The following PKNOX2 variants were observed in gnomAD, a reference collection of about 807,000 sequenced individuals.
PKNOX2 encodes PBX/knotted 1 homeobox 2, also known as homeobox protein PKNOX2.
In PKNOX2, 14 loss-of-function variants were observed where a neutral mutation model predicts 53.1. That is an observed-to-expected ratio of 0.26 (90% CI 0.17 to 0.41). The LOEUF (loss-of-function observed/expected upper bound fraction) is 0.41, where lower values mean the gene tolerates loss of function less well. PKNOX2 is among the 10% of genes least tolerant of loss of function. The pLI is 1.00. For synonymous variants in PKNOX2, 257 were observed against 242.8 expected (o/e 1.06, Z -0.54); for missense variants, 496 against 602.8 (o/e 0.82, Z 1.85).
intron 2 of PKNOX2, chr11:125,258,486 T>C (rs1461989990): frequency 6.6e-6 from 1 of 152,632 alleles, no homozygotes; most frequent in Non-Finnish European, 1.5e-5. Context: ...CCACAGATAA[T>C]TGGGCTGGCA....
rs140384728 is a variant in PKNOX2, at chr11:125,292,147, A to G, written c.-129-39672A>G. Among the ~76,000 whole-genome samples, 429 of 152,278 alleles carry G rather than the reference A, an allele frequency of 2.8e-3. 1 individual carries two copies. The highest frequency in any genetic ancestry group is 4.7e-3 in the Non-Finnish European group (318 of 68,030). On this transcript the variant is annotated intron_variant, in intron 2 of 12. Transcript: ENST00000298282. ...CCTACCCATCATACTTCATCTAATA[A>G]ACCCTCTCCAGTCCGCCTCCCCAGC...
At chr11:125,371,619 G>A (rs1023892548) in intron 5 of PKNOX2, among the ~76,000 whole-genome samples, 1 of 152,108 alleles carries the variant, frequency 6.6e-6, no homozygotes, top group Non-Finnish European at 1.5e-5. Flanking sequence ...GAGCGGAAGA[G>A]GGGCAGGAGC....
At chr11:125,429,185 T>A (rs1382407890) in intron 11 of PKNOX2, 97 bp downstream of exon 11, 2 of 1,187,958 alleles carry the variant, frequency 1.7e-6, no homozygotes, top group African/African-American at 1.5e-5. Context: ...AATGCCAGGA[T>A]CTGCCTCAAT....
intron 1 of PKNOX2, among the ~76,000 whole-genome samples, chr11:125,180,591 G>T (rs1486359404): frequency 6.6e-6 from 1 of 152,222 alleles, no homozygotes; most frequent in Non-Finnish European, 1.5e-5. Context: ...AGGTCACAGA[G>T]CTCGGAGCCA....
chr11:125,319,756 G>A (rs962153940), intron 2 of PKNOX2, among the ~76,000 whole-genome samples: 3 of 152,256 alleles, frequency 2.0e-5, no homozygotes, highest in Non-Finnish European at 4.4e-5. Flanking sequence ...TGACTCTTGA[G>A]TTGAGATGTG....
At chr11:125,411,643 G>T in intron 9 of PKNOX2, 103 bp from the exon 10 acceptor site, 1 of 1,592,756 alleles carries the variant, frequency 6.3e-7, no homozygotes, top group Non-Finnish European at 8.6e-7. Flanking sequence ...GAATGAGCCG[G>T]GAAAGGGGCT....
intron 2 of PKNOX2, among the ~76,000 whole-genome samples, chr11:125,293,244 T>A (rs78018547): frequency 0.051 from 7,783 of 152,208 alleles, 668 homozygotes; most frequent in African/African-American, 0.17. Context: ...TCCATACTGC[T>A]TAAATCCTGT....
intron 2 of PKNOX2, among the ~76,000 whole-genome samples, chr11:125,314,433 A>C (rs554805480): frequency 1.3e-5 from 2 of 151,910 alleles, no homozygotes; most frequent in African/African-American, 4.8e-5. Flanking sequence ...GGTGGGGAAG[A>C]CTCAGAGCTC....
chr11:125,271,727 A>C (rs1313217080), intron 2 of PKNOX2, among the ~76,000 whole-genome samples: 1 of 152,088 alleles, frequency 6.6e-6, no homozygotes, highest in Non-Finnish European at 1.5e-5. Context: ...AAGAAAAAAA[A>C]AAAATCCCCC....
At chr11:125,303,222 A>G (rs1241277022) in intron 2 of PKNOX2, among the ~76,000 whole-genome samples, 1 of 152,138 alleles carries the variant, frequency 6.6e-6, no homozygotes, top group Admixed American at 6.5e-5. Flanking sequence ...TTGCTTTTCA[A>G]TTTTCATAGC....
chr11:125,364,489 G>A (rs968485131), intron 4 of PKNOX2, among the ~76,000 whole-genome samples: 2 of 152,084 alleles, frequency 1.3e-5, no homozygotes, highest in Non-Finnish European at 2.9e-5. Context: ...CCTAGGAGGG[G>A]GACTTCATCC....
chr11:125,317,611 T>C (rs1949281176), intron 2 of PKNOX2, among the ~76,000 whole-genome samples: 1 of 152,248 alleles, frequency 6.6e-6, no homozygotes, highest in Non-Finnish European at 1.5e-5. Flanking sequence ...GGAATCTTTG[T>C]TTCTGAGCAG....
chr11:125,314,048 T>A (rs1948995334), intron 2 of PKNOX2, among the ~76,000 whole-genome samples: 1 of 152,090 alleles, frequency 6.6e-6, no homozygotes, highest in Admixed American at 6.5e-5. Context: ...TTAGAGGAAA[T>A]AGCTGAGGTC....
chr11:125,255,509 G>A (rs577861910), intron 2 of PKNOX2, among the ~76,000 whole-genome samples: 21 of 152,326 alleles, frequency 1.4e-4, no homozygotes, highest in African/African-American at 4.6e-4. Flanking sequence ...CTTATGGAGA[G>A]CTTGCCCCAT....
rs188592300 is a variant in PKNOX2, at chr11:125,291,013, G to A, written c.-129-40806G>A. On this transcript the variant is annotated intron_variant, in intron 2 of 12. Transcript: ENST00000298282. Reference sequence around the variant, plus strand: ...TGAGACAGACGCAAGACTACACCCCGATACCATGTCATTCCAATGGCAGAG... The same window carrying A: ...TGAGACAGACGCAAGACTACACCCCAATACCATGTCATTCCAATGGCAGAG... Among the ~76,000 whole-genome samples, 340 of 152,262 alleles carry A rather than the reference G, an allele frequency of 2.2e-3. 2 individuals are homozygous for A. Among genetic ancestry groups the A allele is most frequent in the Admixed American group, 5.8e-3 (88 of 15,294 alleles).
intron 1 of PKNOX2, among the ~76,000 whole-genome samples, chr11:125,194,038 C>T (rs77902735): frequency 0.065 from 9,830 of 152,224 alleles, 707 homozygotes; most frequent in African/African-American, 0.18. Context: ...TCTGAGCTGC[C>T]GGCAGGGCCC....
rs1289234887 is a variant in PKNOX2 at position 125,389,325 on chromosome 11, T to TCCTC, written c.399+3605_399+3608dup. 6.6e-5 allele frequency among the ~76,000 whole-genome samples: 10 copies of TCCTC among 152,298 alleles called. No homozygotes were observed. The East Asian group carries it at 1.9e-3, about 29-fold the overall frequency. ...AGAACCCAGGTCAGCTGACTCCTGATCCTCCGCTCTGCCCACAACATCACA... is the reference window on the plus strand; with the variant it reads ...AGAACCCAGGTCAGCTGACTCCTGATCCTCCCTCCGCTCTGCCCACAACATCACA... On this transcript the variant is annotated intron_variant, in intron 6 of 12. Coordinates refer to ENST00000298282, the MANE Select transcript of PKNOX2 (RefSeq NM_001382323.2).
intron 1 of PKNOX2, among the ~76,000 whole-genome samples, chr11:125,192,682 TG>T (rs1956951635): frequency 6.6e-6 from 1 of 152,200 alleles, no homozygotes. Context: ...GGGAGGTGTT[TG>T]CCCATTTTCT....
chr11:125,204,439 C>T (rs1938826073), intron 1 of PKNOX2, among the ~76,000 whole-genome samples: 1 of 152,180 alleles, frequency 6.6e-6, no homozygotes, highest in African/African-American at 2.4e-5. Flanking sequence ...CTGTGAGTGG[C>T]ACATGGCTAG....
Sources: gnomAD v4.1 joint callset for allele counts (sites outside exome capture counted in the v4.1 genomes callset) on GRCh38, gnomAD v4.1.1 for gene constraint, MANE v1.5 for transcripts, NCBI Gene and HGNC (gene_info 2026-07-23, HGNC 2026-07-21) for gene names.